Variants in EVC observed in about 807,000 individuals in gnomAD.
EVC encodes the protein EvC ciliary complex subunit 1, also known as evC complex member EVC.
In EVC, 116 loss-of-function variants were observed where a neutral mutation model predicts 118.9. That is an observed-to-expected ratio of 0.98 (90% CI 0.84 to 1.14). The LOEUF (loss-of-function observed/expected upper bound fraction) is 1.14. Ranked by LOEUF, EVC falls within the 50% of genes most tolerant of loss-of-function variation. EVC has a pLI of 0.00. For missense variants in EVC, 1,401 were observed against 1,246.4 expected (o/e 1.12, Z -1.87); for synonymous variants, 619 against 534.7 (o/e 1.16, Z -2.18).
At chr4:5,787,624 G>A (rs1371240674) in intron 12 of EVC, among the ~76,000 whole-genome samples, 2 of 152,202 alleles carry the variant, frequency 1.3e-5, no homozygotes, top group Admixed American at 6.5e-5. Context: ...AGAAGCGTAA[G>A]GTAATAAGTG....
Position 5,719,372 on chromosome 4 carries a change from A to G in EVC, c.299A>G (p.Asp100Gly), listed in dbSNP as rs1282571678. ...VQMSKDKEAV[D>G]ECEPPSNSNI... ...ATGTCGAAGGACAAGGAAGCTGTTG[A>G]TGTAAGCTTGGTGTTGATGTTTGTT... The change falls in exon 2 of 21, where the codon GAT (aspartate) becomes GGT (glycine). Residue 100 changes from aspartate to glycine, a missense_variant and splice_region_variant. Asp to Gly is a moderately conservative substitution (Grantham distance 94). Coordinates refer to ENST00000264956, the MANE Select transcript of EVC (RefSeq NM_153717.3). The surrounding 1 kb of genome is among the most constrained non-coding windows in gnomAD (Gnocchi z 4.7). 1.5e-5 allele frequency: 25 copies of G among 1,614,050 alleles called. No individual in the cohort carries two copies. The Admixed American group carries it at 4.2e-4, about 27-fold the overall frequency.
At position 5,746,298 on chromosome 4, in the gene EVC, A is replaced by G. The variant is rs143645829; in HGVS notation, c.939+957A>G. Among the ~76,000 whole-genome samples the G allele has an allele frequency of 6.6e-6, 1 of 152,320 alleles. No homozygotes were observed. The highest frequency in any genetic ancestry group is 1.5e-5 in the Non-Finnish European group (1 of 68,024). On this transcript the variant is annotated intron_variant, in intron 7 of 20. Coordinates refer to ENST00000264956, the MANE Select transcript of EVC (RefSeq NM_153717.3). This position sits in a 1 kb window ranked among gnomAD's most constrained non-coding sequence, Gnocchi z 5.8. The stretch of plus-strand genomic sequence containing the variant: ...AGGGTGGTGAAGAGCTACTGGGCTA[A>G]TCCAGCAGGAACTTTATTAAGGCAA...
the EVC span, chr4:5,824,417 C>T: frequency 2.0e-6 from 2 of 985,408 alleles, no homozygotes; most frequent in East Asian, 2.3e-4. Context: ...GGCATAATCA[C>T]TGAATCAGAC....
At chr4:5,823,040 A>AT in the EVC span, among the ~76,000 whole-genome samples, 5 of 151,986 alleles carry the variant, frequency 3.3e-5, no homozygotes, top group African/African-American at 9.7e-5. Flanking sequence ...GTCTTGGTGA[A>AT]TTTTTTTTAC....
chr4:5,794,279 TTA>T (rs1189237082), intron 13 of EVC, among the ~76,000 whole-genome samples: 8 of 137,732 alleles, frequency 5.8e-5, no homozygotes, highest in Middle Eastern at 3.8e-3. Context: ...TTATATATAT[TTA>T]TATATATTTT....
At chr4:5,793,495 G>A in intron 12 of EVC, 113 bp from the exon 13 acceptor site, 2 of 878,126 alleles carry the variant, frequency 2.3e-6, no homozygotes, top group Non-Finnish European at 3.7e-6. Context: ...GGGGCAGAAA[G>A]GGATTTAAAA....
chr4:5,783,871 C>G, intron 12 of EVC, 107 bp downstream of exon 12: 1 of 1,063,726 alleles, frequency 9.4e-7, no homozygotes. Flanking sequence ...ATTGTAGGTG[C>G]TCTACGGAGA....
At position 5,747,785 on chromosome 4, in the gene EVC, A is replaced by T. The variant is rs1729590760; in HGVS notation, c.940-363A>T. Reference sequence around the variant, plus strand: ...TTACTTCCAGGAAGTATTTAATCCCATTTAAAATTGCCAAAGCTTCCATGA... The same window carrying T: ...TTACTTCCAGGAAGTATTTAATCCCTTTTAAAATTGCCAAAGCTTCCATGA... On this transcript the variant is annotated intron_variant, in intron 7 of 20. Coordinates refer to ENST00000264956, the MANE Select transcript of EVC (RefSeq NM_153717.3). Among the ~76,000 whole-genome samples, 13 of 152,236 alleles carry T rather than the reference A, an allele frequency of 8.5e-5. No homozygotes were observed. In the South Asian group the frequency reaches 2.7e-3, roughly 31 times the overall value.
At chr4:5,799,511 CAGG>C (rs756730050) in intron 15 of EVC, among the ~76,000 whole-genome samples, 3 of 152,182 alleles carry the variant, frequency 2.0e-5, no homozygotes, top group Non-Finnish European at 4.4e-5. Context: ...GCCGGGGCTG[CAGG>C]AGAATGACCA....
At chr4:5,761,225 G>A (rs748806359) in intron 11 of EVC, among the ~76,000 whole-genome samples, 1 of 152,040 alleles carries the variant, frequency 6.6e-6, no homozygotes, top group Admixed American at 6.5e-5. Flanking sequence ...CACATGGTAG[G>A]TGCTCAGTGA....
At chr4:5,728,276 A>G (rs1475561395) in intron 2 of EVC, among the ~76,000 whole-genome samples, 2 of 152,084 alleles carry the variant, frequency 1.3e-5, no homozygotes, top group African/African-American at 2.4e-5. Flanking sequence ...TTCTCCTTGA[A>G]GAAGTCCTTC....
downstream of EVC, among the ~76,000 whole-genome samples, chr4:5,818,552 GGATT>G (rs1306030810): frequency 2.1e-4 from 32 of 152,328 alleles, no homozygotes; most frequent in African/African-American, 7.7e-4. Context: ...CTTCATGAAT[GGATT>G]AATTCATTCA....
At position 5,755,130 on chromosome 4, in the gene EVC, G is replaced by A. The variant is rs970924857; in HGVS notation, c.1465-1134G>A. 2.0e-5 allele frequency among the ~76,000 whole-genome samples: 3 copies of A among 152,168 alleles called. No homozygotes were observed. Among genetic ancestry groups the A allele is most frequent in the African/African-American group, 7.2e-5 (3 of 41,444 alleles). On this transcript the variant is annotated intron_variant, in intron 10 of 20. Transcript: ENST00000264956. This position sits in a 1 kb window ranked among gnomAD's most constrained non-coding sequence, Gnocchi z 4.1. ...TGGAGCTTCTGCATTTGCCACAAAG[G>A]GGTAGGGTAGGTTTTTCTATCTTTG... is the stretch of plus-strand genomic sequence containing the variant.
In EVC at chr4:5,752,983, C is replaced by A. The variant is rs113986714; in HGVS notation, c.1246C>A (p.Arg416=). The change falls in exon 9 of 21, where the codon CGG becomes AGG. Residue 416 remains arginine (R), a synonymous_variant. Transcript: ENST00000264956. Reference sequence around the variant, plus strand: ...GGCTGGTGAGGGGAAGCTGTCCGGGCGGCAGAAGGAGGAGCTGCTCACGCA... The same window carrying A: ...GGCTGGTGAGGGGAAGCTGTCCGGGAGGCAGAAGGAGGAGCTGCTCACGCA... ...LLAGEGKLSG[R]QKEELLTQQH... 1.9e-6 allele frequency: 3 copies of A among 1,613,552 alleles called. No homozygotes were observed. Among genetic ancestry groups the A allele is most frequent in the South Asian group, 1.1e-5 (1 of 91,040 alleles).
At position 5,731,454 on chromosome 4, in the gene EVC, T is replaced by C; in HGVS notation, c.414T>C (p.Ser138=). 6.2e-7 allele frequency: 1 copy of C among 1,613,360 alleles called. No homozygotes were observed. Residue 138 remains serine (S), a synonymous_variant, in exon 4 of 21, where the codon TCT becomes TCC. Transcript: ENST00000264956. This position sits in a 1 kb window ranked among gnomAD's most constrained non-coding sequence, Gnocchi z 5.6. ...RPLADGSSNP[S]LHENLKQAVL... Reference sequence around the variant, plus strand: ...TGGCCGATGGCTCCTCCAACCCGTCTCTGCATGAAAACTTAAAGCAGGCTG... The same window carrying C: ...TGGCCGATGGCTCCTCCAACCCGTCCCTGCATGAAAACTTAAAGCAGGCTG...
At chr4:5,827,085 T>C in the EVC span, among the ~76,000 whole-genome samples, 142 of 152,336 alleles carry the variant, frequency 9.3e-4, no homozygotes, top group African/African-American at 3.3e-3. Flanking sequence ...GTCTAGCTCC[T>C]GCAGGCATGA....
intron 11 of EVC, among the ~76,000 whole-genome samples, chr4:5,766,624 A>C: frequency 7.5e-6 from 1 of 133,216 alleles, no homozygotes; most frequent in African/African-American, 2.9e-5. Context: ...TTTTTCTCTA[A>C]ACTTCCCTTC....
chr4:5,739,225 G>A (rs1038543032), intron 5 of EVC, among the ~76,000 whole-genome samples: 9 of 152,214 alleles, frequency 5.9e-5, no homozygotes, highest in Non-Finnish European at 1.2e-4. Flanking sequence ...GGGTCAGGAA[G>A]AAAGTAGACT....
At chr4:5,814,732 C>T (rs1717415852), downstream of EVC, among the ~76,000 whole-genome samples, 1 of 151,950 alleles carries the variant, frequency 6.6e-6, no homozygotes, top group South Asian at 2.1e-4. Context: ...GGCCTTTGCT[C>T]ATGATGTGCA....
Sources: allele counts gnomAD v4.1 joint callset (sites outside exome capture counted in the v4.1 genomes callset), GRCh38; gene constraint gnomAD v4.1.1; non-coding constraint Gnocchi (gnomAD v3.1); transcripts MANE v1.5; gene names NCBI Gene and HGNC (gene_info 2026-07-23, HGNC 2026-07-21).